The following C1QTNF3 variants were observed in gnomAD, a reference collection of about 807,000 sequenced individuals.
The protein encoded by C1QTNF3 is complement C1q tumor necrosis factor-related protein 3.
C1QTNF3 carries 26 observed loss-of-function variants against 32.6 expected under a neutral mutation model. That is an observed-to-expected ratio of 0.80 (90% CI 0.58 to 1.11). The LOEUF is 1.11. Ranked by LOEUF, C1QTNF3 falls within the 50% of genes least tolerant of loss-of-function variation. C1QTNF3 has a pLI of 0.00. For synonymous variants in C1QTNF3, 155 were observed against 146.0 expected (o/e 1.06, Z -0.44); for missense variants, 362 against 398.2 (o/e 0.91, Z 0.77).
At chr5:34,241,791 C>CCTAA in the C1QTNF3 span, among the ~76,000 whole-genome samples, 1 of 151,454 alleles carries the variant, frequency 6.6e-6, no homozygotes, top group Non-Finnish European at 1.5e-5. Context: ...TGCCTGTAGT[C>CCTAA]CTAACTACCC....
the C1QTNF3 span, among the ~76,000 whole-genome samples, chr5:34,135,450 G>T: frequency 6.6e-6 from 1 of 152,222 alleles, no homozygotes; most frequent in African/African-American, 2.4e-5. Flanking sequence ...AGCTAGGGAG[G>T]ATTCCCTCTT....
At chr5:34,027,989 T>TA (rs1446535789) in intron 4 of C1QTNF3, among the ~76,000 whole-genome samples, 8 of 152,190 alleles carry the variant, frequency 5.3e-5, no homozygotes, top group South Asian at 2.1e-4. Context: ...CTTTTTTTTT[T>TA]TGAGACGGAG....
At chr5:34,238,437 C>T in the C1QTNF3 span, among the ~76,000 whole-genome samples, 2 of 152,012 alleles carry the variant, frequency 1.3e-5, no homozygotes, top group African/African-American at 4.8e-5. Context: ...TAAAAAACAG[C>T]CACACTGAAT....
chr5:34,177,931 G>A, the C1QTNF3 span, among the ~76,000 whole-genome samples: 2 of 151,894 alleles, frequency 1.3e-5, no homozygotes, highest in Non-Finnish European at 2.9e-5. Flanking sequence ...CACTGCAGAG[G>A]TTCTATCAAT....
intron 3 of C1QTNF3, among the ~76,000 whole-genome samples, chr5:34,031,762 G>C (rs1754620018): frequency 6.6e-6 from 1 of 152,140 alleles, no homozygotes; most frequent in Non-Finnish European, 1.5e-5. Flanking sequence ...TTGAACCTTG[G>C]TGGAGGCTGC....
At chr5:34,226,258 G>C in the C1QTNF3 span, among the ~76,000 whole-genome samples, 5 of 151,816 alleles carry the variant, frequency 3.3e-5, no homozygotes, top group Non-Finnish European at 7.4e-5. Context: ...CCATTAATTT[G>C]TTATTTTAAA....
chr5:34,236,079 T>C, the C1QTNF3 span, among the ~76,000 whole-genome samples: 1 of 152,322 alleles, frequency 6.6e-6, no homozygotes, highest in East Asian at 1.9e-4. Context: ...GAAGAGTGCA[T>C]GTTGGGATTT....
chr5:34,021,632 T>A (rs1419800312), intron 5 of C1QTNF3, among the ~76,000 whole-genome samples: 2 of 152,146 alleles, frequency 1.3e-5, no homozygotes, highest in Non-Finnish European at 2.9e-5. Flanking sequence ...AAGCTGTAAG[T>A]CATCATTCTC....
the C1QTNF3 span, among the ~76,000 whole-genome samples, chr5:34,070,767 C>T: frequency 6.6e-6 from 1 of 151,950 alleles, no homozygotes; most frequent in Non-Finnish European, 1.5e-5. Context: ...GACTTATTAA[C>T]TAAATTTAGG....
At chr5:34,178,054 G>A in the C1QTNF3 span, among the ~76,000 whole-genome samples, 238 of 146,246 alleles carry the variant, frequency 1.6e-3, 2 homozygotes, top group African/African-American at 5.8e-3. Flanking sequence ...ATCGCTTGAG[G>A]TCAAAAGTTC....
chr5:34,147,373 C>CA, the C1QTNF3 span, among the ~76,000 whole-genome samples: 1 of 152,208 alleles, frequency 6.6e-6, no homozygotes. Flanking sequence ...TGTTCATCAT[C>CA]ATGCTGTTCA....
the C1QTNF3 span, among the ~76,000 whole-genome samples, chr5:34,066,254 A>C: frequency 1.3e-5 from 2 of 152,294 alleles, no homozygotes; most frequent in African/African-American, 2.4e-5. Flanking sequence ...ATTATTTTAG[A>C]GAGACACTTT....
chr5:34,202,696 A>G, the C1QTNF3 span, among the ~76,000 whole-genome samples: 1 of 152,166 alleles, frequency 6.6e-6, no homozygotes, highest in African/African-American at 2.4e-5. Flanking sequence ...ACATATGTAC[A>G]TTGTATTATT....
At chr5:34,031,008 A>C (rs1379159479) in intron 3 of C1QTNF3, among the ~76,000 whole-genome samples, 2 of 152,186 alleles carry the variant, frequency 1.3e-5, no homozygotes, top group Non-Finnish European at 2.9e-5. Flanking sequence ...TGGTGATAAA[A>C]TAATCTGTAC....
At chr5:34,221,377 T>A in the C1QTNF3 span, among the ~76,000 whole-genome samples, 1 of 152,110 alleles carries the variant, frequency 6.6e-6, no homozygotes, top group Non-Finnish European at 1.5e-5. Context: ...TTTAATTTTA[T>A]TGTGTATCTC....
the C1QTNF3 span, among the ~76,000 whole-genome samples, chr5:34,102,766 G>C: frequency 6.6e-6 from 1 of 152,022 alleles, no homozygotes; most frequent in Non-Finnish European, 1.5e-5. Context: ...AACACTGCAT[G>C]TTCTCACTCA....
the C1QTNF3 span, among the ~76,000 whole-genome samples, chr5:34,107,369 T>C: frequency 2.7e-5 from 4 of 150,098 alleles, no homozygotes; most frequent in Admixed American, 2.7e-4. Flanking sequence ...TGTTATACTG[T>C]CTATACGGGA....
the C1QTNF3 span, among the ~76,000 whole-genome samples, chr5:34,202,123 A>C: frequency 6.6e-6 from 1 of 152,182 alleles, no homozygotes. Flanking sequence ...AAGTGGTCTA[A>C]GCTGCATTCA....
At chr5:34,209,707 T>A in the C1QTNF3 span, among the ~76,000 whole-genome samples, 3 of 152,126 alleles carry the variant, frequency 2.0e-5, no homozygotes, top group Admixed American at 6.5e-5. Context: ...CTTAATTTAG[T>A]TTGAGTCTCT....
Sources: allele counts gnomAD v4.1 joint callset (sites outside exome capture counted in the v4.1 genomes callset), GRCh38; gene constraint gnomAD v4.1.1; transcripts MANE v1.5; gene names NCBI Gene and HGNC (gene_info 2026-07-23, HGNC 2026-07-21).